The following TM9SF4 variants were observed in gnomAD, a reference collection of about 807,000 sequenced individuals.
TM9SF4 encodes the protein dinucleotide oxidase disulfide thiol exchanger 3 superfamily member 4.
Under a neutral mutation model 90.4 loss-of-function variants are expected in TM9SF4, and 26 were observed. The observed-to-expected ratio is 0.29, with a 90% CI of 0.21 to 0.40. TM9SF4 has a LOEUF of 0.40. Ranked by LOEUF, TM9SF4 falls within the 10% of genes least tolerant of loss-of-function variation. TM9SF4 has a pLI of 1.00. For missense variants in TM9SF4, 549 were observed against 834.8 expected (o/e 0.66, Z 4.22); for synonymous variants, 293 against 315.4 (o/e 0.93, Z 0.75).
chr20:32,158,894 A>G (rs757144625), intron 15 of TM9SF4, among the ~76,000 whole-genome samples: 3 of 152,060 alleles, frequency 2.0e-5, no homozygotes, highest in Non-Finnish European at 2.9e-5. Flanking sequence ...AGGCAGGAGA[A>G]TCACTTGAAC....
intron 1 of TM9SF4, among the ~76,000 whole-genome samples, chr20:32,123,565 G>A (rs1183758696): frequency 6.6e-6 from 1 of 150,982 alleles, no homozygotes; most frequent in Non-Finnish European, 1.5e-5. Context: ...ATTGAAGAAA[G>A]TAGTTCTTGG....
At chr20:32,143,741 T>TC (rs1464491100) in intron 6 of TM9SF4, among the ~76,000 whole-genome samples, 1 of 151,912 alleles carries the variant, frequency 6.6e-6, no homozygotes, top group African/African-American at 2.4e-5. Flanking sequence ...TTTTTTTTTT[T>TC]CCACTGTGGA....
chr20:32,163,014 G>A (rs1250474785), intron 17 of TM9SF4, among the ~76,000 whole-genome samples: 1 of 152,008 alleles, frequency 6.6e-6, no homozygotes, highest in Non-Finnish European at 1.5e-5. Context: ...TCGGGAGGCC[G>A]AGGAGGGTGG....
intron 8 of TM9SF4, among the ~76,000 whole-genome samples, chr20:32,145,872 A>G (rs1246748306): frequency 6.6e-6 from 1 of 152,214 alleles, no homozygotes; most frequent in East Asian, 1.9e-4. Context: ...GGCCAAATAC[A>G]CAATAGCTGA....
At position 32,141,765 on chromosome 20, in the gene TM9SF4, G is replaced by A; in HGVS notation, c.399-1G>A. On this transcript the variant is annotated splice_acceptor_variant, in intron 4 of 17. Coordinates refer to ENST00000398022, the MANE Select transcript of TM9SF4 (RefSeq NM_014742.4). LOFTEE classifies it high-confidence loss of function. ...GACTGAGTGGGGCCTTCACTTTCCA[G>A]CATTGCTGACAACCTGCCTGTGGCC... 1.9e-6 allele frequency: 3 copies of A among 1,614,140 alleles called. No individual in the cohort carries two copies. The highest frequency in any genetic ancestry group is 2.5e-6 in the Non-Finnish European group (3 of 1,179,988).
intron 9 of TM9SF4, among the ~76,000 whole-genome samples, chr20:32,148,188 C>A (rs1470229027): frequency 6.6e-6 from 1 of 152,174 alleles, no homozygotes; most frequent in African/African-American, 2.4e-5. Flanking sequence ...CAAGACACTG[C>A]AATATGCCCA....
At chr20:32,133,770 A>G (rs2235903) in intron 2 of TM9SF4, among the ~76,000 whole-genome samples, 1 of 152,064 alleles carries the variant, frequency 6.6e-6, no homozygotes, top group Non-Finnish European at 1.5e-5. Context: ...AACATGTTCA[A>G]GGTCACATAG....
At chr20:32,110,189 C>T (rs549596602) in intron 1 of TM9SF4, 95 of 458,704 alleles carry the variant, frequency 2.1e-4, no homozygotes, top group African/African-American at 1.8e-3. Flanking sequence ...TGTGACCTCT[C>T]CTCTGACCAC....
At chr20:32,142,033 C>T (rs1164045812) in intron 5 of TM9SF4, 138 bp downstream of exon 5, 22 of 1,406,788 alleles carry the variant, frequency 1.6e-5, no homozygotes, top group Middle Eastern at 2.3e-4. Context: ...GTCAGAGGTC[C>T]GAGTGCTCCG....
Position 32,165,750 on chromosome 20 carries a change from ATT to A in TM9SF4, c.*314_*315del, listed in dbSNP as rs200973759. On this transcript the variant is annotated 3_prime_UTR_variant, in exon 18 of 18. Transcript: ENST00000398022. ...TTATTCAGGTGTATTTCTGGTTTGG[ATT>A]TTTTTTTCCTTCTTTGTTTTAACAA... 3.2e-6 allele frequency: 1 copy of A among 309,636 alleles called. No individual in the cohort carries two copies. The highest frequency in any genetic ancestry group is 2.1e-5 in the African/African-American group (1 of 46,570). 19.2% of individuals were successfully genotyped at this position (309,636 alleles called of 1,614,324 possible).
intron 1 of TM9SF4, among the ~76,000 whole-genome samples, chr20:32,132,522 G>A (rs73906745): frequency 2.6e-5 from 4 of 152,206 alleles, no homozygotes; most frequent in Non-Finnish European, 5.9e-5. Flanking sequence ...AAGGAGGCCC[G>A]TGTGGCTGAG....
chr20:32,123,866 A>ATATATATATATATATTTTTTT, intron 1 of TM9SF4, among the ~76,000 whole-genome samples: 6 of 93,980 alleles, frequency 6.4e-5, no homozygotes, highest in East Asian at 7.3e-4. Context: ...ATATATATAT[A>ATATATATATATATATTTTTTT]TTTTTTTTTT....
At chr20:32,155,698 C>T (rs1013968371) in intron 13 of TM9SF4, among the ~76,000 whole-genome samples, 7 of 152,180 alleles carry the variant, frequency 4.6e-5, no homozygotes, top group Admixed American at 4.6e-4. Flanking sequence ...GGATTTTGAA[C>T]TCAGTTGTGG....
chr20:32,142,408 A>T (rs534182581), intron 5 of TM9SF4, among the ~76,000 whole-genome samples: 3 of 152,330 alleles, frequency 2.0e-5, no homozygotes, highest in African/African-American at 7.2e-5. Flanking sequence ...AAACTGAAAG[A>T]TATTAGTTAG....
intron 10 of TM9SF4, 145 bp downstream of exon 10, chr20:32,149,911 A>T: frequency 8.5e-7 from 1 of 1,183,348 alleles, no homozygotes; most frequent in Non-Finnish European, 1.2e-6. Flanking sequence ...TGGGCCAGAC[A>T]GGCCGTCTAT....
Position 32,146,910 on chromosome 20 carries a change from G to A in TM9SF4, c.954+55G>A, listed in dbSNP as rs1444359894. ...GTTGGATGGGGAGGGGAGGAGGACC[G>A]TGTGTGTGCATATGTTTGTGTATAT... On this transcript the variant is annotated intron_variant, in intron 9 of 17. Transcript: ENST00000398022. 4.0e-6 allele frequency: 6 copies of A among 1,503,132 alleles called. No homozygotes were observed. Among genetic ancestry groups the A allele is most frequent in the East Asian group, 4.5e-5 (2 of 44,100 alleles). 93.1% of individuals were successfully genotyped at this position (1,503,132 alleles called of 1,614,324 possible).
Sources: allele counts gnomAD v4.1 joint callset (sites outside exome capture counted in the v4.1 genomes callset), GRCh38; gene constraint gnomAD v4.1.1; transcripts MANE v1.5; gene names NCBI Gene and HGNC (gene_info 2026-07-23, HGNC 2026-07-21).